The following BMP8A variants were observed in gnomAD, a reference collection of about 807,000 sequenced individuals.
BMP8A encodes BMP-8A.
Under a neutral mutation model 36.8 loss-of-function variants are expected in BMP8A, and 14 were observed. The ratio of observed to expected loss-of-function variants is 0.38; its 90% CI spans 0.25 to 0.60. BMP8A has a LOEUF of 0.60. Ranked by LOEUF, BMP8A falls within the 20% of genes least tolerant of loss-of-function variation. BMP8A has a pLI of 0.63. For missense variants in BMP8A, 267 were observed against 551.1 expected, an observed-to-expected ratio of 0.48 and a Z score of 5.16; for synonymous variants, 120 against 237.7, an observed-to-expected ratio of 0.50 and a Z score of 4.55.
Position 39,492,318 on chromosome 1 carries a change from CA to C in BMP8A, c.329del (p.Asn110ThrfsTer23), listed in dbSNP as rs1557682841. On this transcript the variant is annotated frameshift_variant, in exon 1 of 7. Transcript: ENST00000331593. LOFTEE classifies it high-confidence loss of function. ...GCGCCGACCTGGTCATGAGCTTCGTCAACATGGGTGAGTGCGGCCGCCCGCG... is the reference window on the plus strand; with the variant it reads ...GCGCCGACCTGGTCATGAGCTTCGTCACATGGGTGAGTGCGGCCGCCCGCG... ...GRADLVMSFV[N>X]MVERDRALGH... 1 of 1,559,770 alleles carries C rather than the reference CA, an allele frequency of 6.4e-7. No individual in the cohort carries two copies. Among genetic ancestry groups the C allele is most frequent in the Non-Finnish European group, 8.6e-7 (1 of 1,164,462 alleles).
chr1:39,523,225 G>A (rs527247107), intron 6 of BMP8A, 108 bp downstream of exon 6: 7 of 1,312,336 alleles, frequency 5.3e-6, no homozygotes, highest in South Asian at 2.6e-5. Context: ...TCCATGTCTC[G>A]GGGGCTTTGT....
chr1:39,525,815 C>T lies in BMP8A; in HGVS notation c.*17C>T. On this transcript the variant is annotated 3_prime_UTR_variant, in exon 7 of 7. Coordinates refer to ENST00000331593, the MANE Select transcript of BMP8A (RefSeq NM_181809.4). ...TGCCACTGAGTCAGCCCGCCCAGCCCTACTGCAGCCACCCTTCTCATCTGG... is the reference window on the plus strand; with the variant it reads ...TGCCACTGAGTCAGCCCGCCCAGCCTTACTGCAGCCACCCTTCTCATCTGG... 6.2e-7 allele frequency: 1 copy of T among 1,613,444 alleles called. No homozygotes were observed. The highest frequency in any genetic ancestry group is 1.3e-5 in the African/African-American group (1 of 75,064).
At chr1:39,507,357 C>T (rs1645310709) in intron 1 of BMP8A, among the ~76,000 whole-genome samples, 1 of 152,186 alleles carries the variant, frequency 6.6e-6, no homozygotes, top group South Asian at 2.1e-4. Context: ...CCATGAATTC[C>T]CTCCATGGAC....
chr1:39,504,007 G>A (rs1381402108), intron 1 of BMP8A, among the ~76,000 whole-genome samples: 2 of 152,154 alleles, frequency 1.3e-5, no homozygotes, highest in Admixed American at 6.5e-5. Context: ...ATGAAAAATC[G>A]TGACATTACA....
Position 39,525,648 on chromosome 1 carries a change from G to C in BMP8A, c.1060-1G>C. ...CCTGCCTGTGCTCCCTTCCTGGCCA[G>C]GTGCACCTGATGAAGCCAAACGCAG... On this transcript the variant is annotated splice_acceptor_variant, in intron 6 of 6. Transcript: ENST00000331593. LOFTEE classifies it high-confidence loss of function. 6 of 1,613,782 alleles carry C rather than the reference G, an allele frequency of 3.7e-6. No homozygotes were observed. Among genetic ancestry groups the C allele is most frequent in the Non-Finnish European group, 5.1e-6 (6 of 1,179,976 alleles).
chr1:39,491,940 C>G lies in BMP8A; in HGVS notation c.-52C>G. The G allele has an allele frequency of 9.5e-7, 1 of 1,058,134 alleles. No individual in the cohort carries two copies. The highest frequency in any genetic ancestry group is 1.1e-6 in the Non-Finnish European group (1 of 877,838). 65.5% of individuals were successfully genotyped at this position (1,058,134 alleles called of 1,614,324 possible). A position where few individuals can be genotyped will look rare whatever the true frequency, so the allele number is the denominator to read the frequency against. ...GTTCGCCGTCGGGGCGTCCCCGGGCCCAGGGGCGGCGGCGGAGCTGATGTG... is the reference window on the plus strand; with the variant it reads ...GTTCGCCGTCGGGGCGTCCCCGGGCGCAGGGGCGGCGGCGGAGCTGATGTG... On this transcript the variant is annotated 5_prime_UTR_variant, in exon 1 of 7. Transcript: ENST00000331593.
At position 39,528,061 on chromosome 1, in the gene BMP8A, G is replaced by A. The variant is rs1645501482; in HGVS notation, c.*2263G>A. On this transcript the variant is annotated 3_prime_UTR_variant, in exon 7 of 7. Transcript: ENST00000331593. ...ATGTGTGGTCTCTTCAGTGCCCAGT[G>A]TGTAACCTGGCATGGTTTGGGTGTG... is the stretch of plus-strand genomic sequence containing the variant. Among the ~76,000 whole-genome samples, 2 of 152,342 alleles carry A rather than the reference G, an allele frequency of 1.3e-5. No homozygotes were observed. Among genetic ancestry groups the A allele is most frequent in the South Asian group, 4.1e-4 (2 of 4,830 alleles).
intron 1 of BMP8A, among the ~76,000 whole-genome samples, chr1:39,497,255 G>A (rs372264982): frequency 1.3e-5 from 2 of 152,108 alleles, no homozygotes; most frequent in African/African-American, 2.4e-5. Flanking sequence ...TTAATCTTGC[G>A]TGTGCCATTT....
chr1:39,491,714 A>C lies in BMP8A; in HGVS notation c.-278A>C. 2 of 162,602 alleles carry C rather than the reference A, an allele frequency of 1.2e-5. No individual in the cohort carries two copies. The highest frequency in any genetic ancestry group is 2.6e-5 in the Non-Finnish European group (2 of 75,892). The allele number at this position is 162,602 out of a possible 1,614,324, so 10.1% of individuals were successfully genotyped here. A position where few individuals can be genotyped will look rare whatever the true frequency, so the allele number is the denominator to read the frequency against. On this transcript the variant is annotated 5_prime_UTR_variant, in exon 1 of 7. Transcript: ENST00000331593. ...CGCAGCCACAGCCGGACTGGTGGGA[A>C]CGGCGGCGACAGACGGATTGGCTGA...
chr1:39,528,330 T>C lies in BMP8A; in HGVS notation c.*2532T>C, dbSNP rs189721860. Among the ~76,000 whole-genome samples the C allele has an allele frequency of 1.1e-4, 17 of 152,302 alleles. No individual in the cohort carries two copies. The South Asian group carries it at 1.4e-3, about 13-fold the overall frequency. ...GGACACACAGCTGATGAAGGGTCAG[T>C]GCTCAGCTATCAAGGTCATCTTCTG... On this transcript the variant is annotated 3_prime_UTR_variant, in exon 7 of 7. Transcript: ENST00000331593.
In BMP8A at chr1:39,526,523, G is replaced by A. The variant is rs1645485141; in HGVS notation, c.*725G>A. ...CCAGCTCATTCTTGTATTTTTAGTA[G>A]AGACGGGGTTTCACCATATCGGCCA... On this transcript the variant is annotated 3_prime_UTR_variant, in exon 7 of 7. Transcript: ENST00000331593. Among the ~76,000 whole-genome samples the A allele has an allele frequency of 6.6e-6, 1 of 152,110 alleles. No homozygotes were observed. Among genetic ancestry groups the A allele is most frequent in the South Asian group, 2.1e-4 (1 of 4,824 alleles).
chr1:39,505,490 GAATTTT>G (rs1645293472), intron 1 of BMP8A, among the ~76,000 whole-genome samples: 1 of 152,162 alleles, frequency 6.6e-6, no homozygotes, highest in Non-Finnish European at 1.5e-5. Context: ...CAAAGCAGAA[GAATTTT>G]TCTTAGTACA....
chr1:39,492,121 G>T lies in BMP8A; in HGVS notation c.130G>T (p.Val44Leu). 1 of 1,216,134 alleles carries T rather than the reference G, an allele frequency of 8.2e-7. No individual in the cohort carries two copies. Among genetic ancestry groups the T allele is most frequent in the Non-Finnish European group, 1.0e-6 (1 of 980,026 alleles). The allele number at this position is 1,216,134 out of a possible 1,614,324, so 75.3% of individuals were successfully genotyped here. The change falls in exon 1 of 7, where the codon GTG (valine) becomes TTG (leucine). Residue 44 changes from valine to leucine, a missense_variant. Physicochemically the swap from Val to Leu is conservative, Grantham distance 32 (BLOSUM62 1). Transcript: ENST00000331593. ...TCTGGGCGCGCGCGAGCGCCGGGAC[G>T]TGCAGCGCGAGATCCTGGCGGTGCT... ...RRLGARERRD[V>L]QREILAVLGL...
At position 39,528,916 on chromosome 1, in the gene BMP8A, G is replaced by T. The variant is rs1645508955; in HGVS notation, c.*3118G>T. 1 of 152,172 alleles carries T rather than the reference G, an allele frequency of 6.6e-6. No individual in the cohort carries two copies. The highest frequency in any genetic ancestry group is 2.1e-4 in the South Asian group (1 of 4,822). 9.4% of individuals were successfully genotyped at this position (152,172 alleles called of 1,614,324 possible). A position where few individuals can be genotyped will look rare whatever the true frequency, so the allele number is the denominator to read the frequency against. On this transcript the variant is annotated 3_prime_UTR_variant, in exon 7 of 7. Coordinates refer to ENST00000331593, the MANE Select transcript of BMP8A (RefSeq NM_181809.4). Reference sequence around the variant, plus strand: ...AGGTCTCACTATGTTGCCCAGGCCGGTCTTAAACTTTGCCCAGGCCAGTCT... The same window carrying T: ...AGGTCTCACTATGTTGCCCAGGCCGTTCTTAAACTTTGCCCAGGCCAGTCT...
rs1206976554 is a variant in BMP8A, at chr1:39,528,484, C to A, written c.*2686C>A. ...ACAGGGAGTCTGGGGCCATTTGGTG[C>A]AGAACAACCCCCAACCCAGTGGCCA... On this transcript the variant is annotated 3_prime_UTR_variant, in exon 7 of 7. Transcript: ENST00000331593. 3.3e-5 allele frequency among the ~76,000 whole-genome samples: 5 copies of A among 152,308 alleles called. No homozygotes were observed. Among genetic ancestry groups the A allele is most frequent in the African/African-American group, 1.2e-4 (5 of 41,568 alleles).
chr1:39,491,732 T>G lies in BMP8A; in HGVS notation c.-260T>G. ...GGTGGGAACGGCGGCGACAGACGGA[T>G]TGGCTGACAGTCCCAGCCCTCAGAA... On this transcript the variant is annotated 5_prime_UTR_variant, in exon 1 of 7. Transcript: ENST00000331593. The G allele has an allele frequency of 5.8e-6, 1 of 171,864 alleles. No individual in the cohort carries two copies. Among genetic ancestry groups the G allele is most frequent in the Admixed American group, 6.3e-5 (1 of 15,778 alleles). The allele number at this position is 171,864 out of a possible 1,614,324, so 10.6% of individuals were successfully genotyped here.
intron 1 of BMP8A, among the ~76,000 whole-genome samples, chr1:39,507,752 C>T (rs949082345): frequency 3.9e-5 from 6 of 152,144 alleles, no homozygotes; most frequent in Admixed American, 6.5e-5. Flanking sequence ...GAGAAGCATT[C>T]GCTGGACCAT....
rs746908700 is a variant in BMP8A, at chr1:39,525,678, C to G, written c.1089C>G (p.Pro363=). ...LVHLMKPNAV[P]KACCAPTKLS... ...ACCTGATGAAGCCAAACGCAGTCCC[C>G]AAGGCGTGCTGTGCACCCACCAAGC... The change falls in exon 7 of 7, where the codon CCC becomes CCG. Residue 363 remains proline (P), a synonymous_variant. Transcript: ENST00000331593. The G allele has an allele frequency of 6.2e-7, 1 of 1,614,114 alleles. No individual in the cohort carries two copies. Among genetic ancestry groups the G allele is most frequent in the Non-Finnish European group, 8.5e-7 (1 of 1,180,018 alleles).
chr1:39,500,638 A>C (rs1375533135), intron 1 of BMP8A, among the ~76,000 whole-genome samples: 1 of 151,970 alleles, frequency 6.6e-6, no homozygotes, highest in Non-Finnish European at 1.5e-5. Flanking sequence ...TTTACAAAAA[A>C]AAAAAAAAAG....
Sources: gnomAD v4.1 joint callset for allele counts (sites outside exome capture counted in the v4.1 genomes callset) on GRCh38, gnomAD v4.1.1 for gene constraint, MANE v1.5 for transcripts, NCBI Gene and HGNC (gene_info 2026-07-23, HGNC 2026-07-21) for gene names.